The following GALNT18 variants were observed in gnomAD, a reference collection of about 807,000 sequenced individuals.
GALNT18 encodes the protein GalNAc-transferase 18.
Under a neutral mutation model 69.5 loss-of-function variants are expected in GALNT18, and 44 were observed. The observed-to-expected ratio is 0.63, with a 90% CI of 0.50 to 0.81. The LOEUF is 0.81. Ranked by LOEUF, GALNT18 falls within the 40% of genes least tolerant of loss-of-function variation. The pLI is 0.00. For missense variants in GALNT18, 715 were observed against 810.0 expected (o/e 0.88, Z 1.42); for synonymous variants, 364 against 318.2 (o/e 1.14, Z -1.53).
chr11:11,490,389 C>A (rs1300095055), intron 1 of GALNT18, among the ~76,000 whole-genome samples: 1 of 152,096 alleles, frequency 6.6e-6, no homozygotes, highest in East Asian at 1.9e-4. Context: ...ATAAATTCTC[C>A]AGTGTCAAGT....
chr11:11,350,841 T>C (rs143414854), intron 6 of GALNT18, among the ~76,000 whole-genome samples: 1 of 152,288 alleles, frequency 6.6e-6, no homozygotes, highest in East Asian at 1.9e-4. Flanking sequence ...AAGTCACTAC[T>C]TGGAGAAAAG....
At chr11:11,395,832 G>A (rs530380847) in intron 3 of GALNT18, among the ~76,000 whole-genome samples, 5 of 152,164 alleles carry the variant, frequency 3.3e-5, no homozygotes, top group African/African-American at 7.2e-5. Flanking sequence ...GCTCTGAAAC[G>A]CTGGGGAAAC....
chr11:11,335,169 C>G (rs1452451248), intron 7 of GALNT18, among the ~76,000 whole-genome samples: 1 of 152,172 alleles, frequency 6.6e-6, no homozygotes, highest in African/African-American at 2.4e-5. Flanking sequence ...AAGTTTCTTT[C>G]TGCACTTAGG....
At chr11:11,316,108 A>G (rs4910317) in intron 9 of GALNT18, among the ~76,000 whole-genome samples, 119,277 of 152,056 alleles carry the variant, frequency 0.78, 49,528 homozygotes, top group Middle Eastern at 0.93. Context: ...GCAGGAGTGT[A>G]CGAGGCTCCC....
chr11:11,271,234 G>C lies in GALNT18; in HGVS notation c.1734C>G (p.Ser578Arg). The C allele has an allele frequency of 6.2e-7, 1 of 1,614,092 alleles. No homozygotes were observed. The highest frequency in any genetic ancestry group is 8.5e-7 in the Non-Finnish European group (1 of 1,179,990). The change falls in exon 11 of 11, where the codon AGC becomes AGG. Residue 578 changes from serine to arginine, a missense_variant. Coordinates refer to ENST00000227756, the MANE Select transcript of GALNT18 (RefSeq NM_198516.3). The part of the protein sequence containing the change: ...SKRCLELQEN[S>R]DLEFGFQLVL... ...CCAGCTGGAAGCCGAACTCCAGGTC[G>C]CTATTCTCCTGCAGCTCCAGACAGC...
chr11:11,569,195 A>G (rs9919639), intron 1 of GALNT18, among the ~76,000 whole-genome samples: 1 of 151,208 alleles, frequency 6.6e-6, no homozygotes, highest in Non-Finnish European at 1.5e-5. Context: ...GAGTTATAAA[A>G]CAGCTTCCTC....
At position 11,572,556 on chromosome 11, in the gene GALNT18, G is replaced by A. The variant is rs557303005; in HGVS notation, c.235+48803C>T. ...CCTGGCTCCGCTACAGTCGCTCCTG[G>A]CCAGTGCTGTGTCTGTGTGAGAAGC... On this transcript the variant is annotated intron_variant, in intron 1 of 10. Coordinates refer to ENST00000227756, the MANE Select transcript of GALNT18 (RefSeq NM_198516.3). Among the ~76,000 whole-genome samples, 4 of 152,292 alleles carry A rather than the reference G, an allele frequency of 2.6e-5. No homozygotes were observed. In the East Asian group the frequency reaches 7.7e-4, roughly 29 times the overall value.
chr11:11,402,483 C>A lies in GALNT18; in HGVS notation c.596-23219G>T, dbSNP rs986475277. ...CATGCTGGGCAGAACTTTTCAGCAA[C>A]AAAAAGCAAAATGATGAGCTTCTTT... On this transcript the variant is annotated intron_variant, in intron 3 of 10. Transcript: ENST00000227756. The surrounding 1 kb of genome is among the most constrained non-coding windows in gnomAD (Gnocchi z 4.0). Among the ~76,000 whole-genome samples the A allele has an allele frequency of 6.6e-6, 1 of 152,202 alleles. No homozygotes were observed. The highest frequency in any genetic ancestry group is 6.5e-5 in the Admixed American group (1 of 15,276).
chr11:11,521,845 G>A (rs779591200), intron 1 of GALNT18, among the ~76,000 whole-genome samples: 1 of 152,040 alleles, frequency 6.6e-6, no homozygotes, highest in Non-Finnish European at 1.5e-5. Flanking sequence ...AGAGTCCCAG[G>A]GCAGCCAGAG....
chr11:11,414,970 G>A (rs1209402571), intron 3 of GALNT18, among the ~76,000 whole-genome samples: 1 of 152,244 alleles, frequency 6.6e-6, no homozygotes, highest in Non-Finnish European at 1.5e-5. Context: ...TCCTCTTTGA[G>A]ATTGACTCGT....
chr11:11,371,977 T>A (rs1237958423), intron 6 of GALNT18, among the ~76,000 whole-genome samples: 2 of 152,158 alleles, frequency 1.3e-5, no homozygotes, highest in African/African-American at 4.8e-5. Context: ...AGGAATGGGC[T>A]GTGGGTCTGG....
At position 11,500,960 on chromosome 11, in the gene GALNT18, G is replaced by T. The variant is rs1249215474; in HGVS notation, c.236-52024C>A. On this transcript the variant is annotated intron_variant, in intron 1 of 10. Transcript: ENST00000227756. The surrounding 1 kb of genome is among the most constrained non-coding windows in gnomAD (Gnocchi z 5.0). The stretch of plus-strand genomic sequence containing the variant: ...GCTAGCTGACTAGCACAGGGGCCTT[G>T]GGGCAACACCTGTCGCAGACTGGAA... Among the ~76,000 whole-genome samples the T allele has an allele frequency of 6.6e-6, 1 of 152,192 alleles. No homozygotes were observed. Among genetic ancestry groups the T allele is most frequent in the Non-Finnish European group, 1.5e-5 (1 of 68,034 alleles).
intron 1 of GALNT18, among the ~76,000 whole-genome samples, chr11:11,533,950 C>T (rs889771068): frequency 6.6e-6 from 1 of 152,240 alleles, no homozygotes. Flanking sequence ...CCCAGCCCCT[C>T]GGGAATTATA....
chr11:11,502,668 G>C (rs1471342465), intron 1 of GALNT18, among the ~76,000 whole-genome samples: 4 of 152,332 alleles, frequency 2.6e-5, no homozygotes, highest in Non-Finnish European at 5.9e-5. Flanking sequence ...GATCGCTTCT[G>C]TTAGCACATG....
chr11:11,585,248 T>C (rs1440637541), intron 1 of GALNT18, among the ~76,000 whole-genome samples: 1 of 152,210 alleles, frequency 6.6e-6, no homozygotes, highest in Non-Finnish European at 1.5e-5. Context: ...TAGAAACTTA[T>C]CACTTGTCCA....
rs1337677853 is a variant in GALNT18, at chr11:11,546,259, C to T, written c.235+75100G>A. Among the ~76,000 whole-genome samples the T allele has an allele frequency of 1.3e-5, 2 of 152,164 alleles. No homozygotes were observed. Among genetic ancestry groups the T allele is most frequent in the East Asian group, 3.9e-4 (2 of 5,188 alleles). On this transcript the variant is annotated intron_variant, in intron 1 of 10. Coordinates refer to ENST00000227756, the MANE Select transcript of GALNT18 (RefSeq NM_198516.3). This position sits in a 1 kb window ranked among gnomAD's most constrained non-coding sequence, Gnocchi z 5.8. ...ACCATCCCATCTGCCTTCGTGGACA[C>T]CCACTCCACCTCCACACCCCTGTCA...
At position 11,454,878 on chromosome 11, in the gene GALNT18, A is replaced by G. The variant is rs1178356883; in HGVS notation, c.236-5942T>C. Among the ~76,000 whole-genome samples, 1 of 152,212 alleles carries G rather than the reference A, an allele frequency of 6.6e-6. No homozygotes were observed. The highest frequency in any genetic ancestry group is 2.4e-5 in the African/African-American group (1 of 41,462). On this transcript the variant is annotated intron_variant, in intron 1 of 10. Coordinates refer to ENST00000227756, the MANE Select transcript of GALNT18 (RefSeq NM_198516.3). This position sits in a 1 kb window ranked among gnomAD's most constrained non-coding sequence, Gnocchi z 4.2. ...CTGAGGGGAGGATTCCCTCCAGAGG[A>G]CACTAATCACTCCACCCTTGAAGAG...
At chr11:11,456,010 G>A (rs748054122) in intron 1 of GALNT18, among the ~76,000 whole-genome samples, 8 of 152,170 alleles carry the variant, frequency 5.3e-5, no homozygotes, top group Non-Finnish European at 1.2e-4. Context: ...GATCACTTCA[G>A]CCCAGGAGGT....
chr11:11,370,791 C>A (rs952878113), intron 6 of GALNT18, among the ~76,000 whole-genome samples: 2 of 152,216 alleles, frequency 1.3e-5, no homozygotes, highest in Non-Finnish European at 2.9e-5. Flanking sequence ...GCAGAGTTCA[C>A]AAATCTAATT....
Sources: allele counts gnomAD v4.1 joint callset (sites outside exome capture counted in the v4.1 genomes callset), GRCh38; gene constraint gnomAD v4.1.1; non-coding constraint Gnocchi (gnomAD v3.1); transcripts MANE v1.5; gene names NCBI Gene and HGNC (gene_info 2026-07-23, HGNC 2026-07-21).